Variants in FAT3 observed in about 807,000 individuals in gnomAD.
FAT3 encodes FAT atypical cadherin 3, also known as protocadherin Fat 3.
In FAT3, 95 loss-of-function variants were observed where a neutral mutation model predicts 310.2. That is an observed-to-expected ratio of 0.31 (90% CI 0.26 to 0.36). FAT3 has a LOEUF of 0.36. FAT3 is among the 10% of genes least tolerant of loss of function. FAT3 has a pLI of 1.00. For synonymous variants in FAT3, 2,314 were observed against 2,192.9 expected (o/e 1.06, Z -1.54); for missense variants, 5,408 against 5,715.6 (o/e 0.95, Z 1.74).
chr11:92,457,723 A>G (rs1169252253), intron 2 of FAT3, among the ~76,000 whole-genome samples: 1 of 149,816 alleles, frequency 6.7e-6, no homozygotes, highest in Admixed American at 6.6e-5. Context: ...GGAGTTCCAC[A>G]CCAGCCTGAC....
intron 1 of FAT3, among the ~76,000 whole-genome samples, chr11:92,245,234 C>A (rs1228922158): frequency 1.3e-5 from 2 of 152,014 alleles, no homozygotes; most frequent in East Asian, 3.9e-4. Context: ...AGCAAACTAA[C>A]ACAAGAATAG....
chr11:92,479,766 C>T (rs982290773), intron 2 of FAT3, among the ~76,000 whole-genome samples: 1 of 152,170 alleles, frequency 6.6e-6, no homozygotes, highest in African/African-American at 2.4e-5. Flanking sequence ...CAAAGCTGGC[C>T]TTTCATAGTA....
chr11:92,398,581 AT>A (rs1199858625), intron 2 of FAT3, among the ~76,000 whole-genome samples: 2 of 148,422 alleles, frequency 1.3e-5, no homozygotes, highest in Non-Finnish European at 3.0e-5. Flanking sequence ...TATTAATTTT[AT>A]TTTTAACTTG....
chr11:92,840,248 T>G (rs1948503482), intron 17 of FAT3, among the ~76,000 whole-genome samples: 1 of 152,146 alleles, frequency 6.6e-6, no homozygotes, highest in Non-Finnish European at 1.5e-5. Context: ...CAGGACAAGG[T>G]GCACCCAGCA....
At chr11:92,420,550 G>C (rs1168210868) in intron 2 of FAT3, among the ~76,000 whole-genome samples, 1 of 152,150 alleles carries the variant, frequency 6.6e-6, no homozygotes, top group African/African-American at 2.4e-5. Context: ...AGAAGACATG[G>C]CAAGAATCAG....
At chr11:92,339,634 T>C (rs1310378059) in intron 1 of FAT3, among the ~76,000 whole-genome samples, 2 of 152,060 alleles carry the variant, frequency 1.3e-5, no homozygotes, top group African/African-American at 2.4e-5. Flanking sequence ...GGAGATGACA[T>C]AAATCTGTCC....
At chr11:92,460,324 A>G (rs903708198) in intron 2 of FAT3, among the ~76,000 whole-genome samples, 6 of 152,200 alleles carry the variant, frequency 3.9e-5, no homozygotes, top group Non-Finnish European at 8.8e-5. Flanking sequence ...GAGAGGTGCC[A>G]TCTGGGAAAT....
intron 4 of FAT3, among the ~76,000 whole-genome samples, chr11:92,740,135 G>A (rs536972107): frequency 9.8e-5 from 15 of 152,286 alleles, no homozygotes; most frequent in African/African-American, 3.6e-4. Context: ...TGAGAGTAAT[G>A]TCCAAGATTG....
chr11:92,705,816 TGTGATGGTGGTG>T (rs1944318409), intron 4 of FAT3, among the ~76,000 whole-genome samples: 3 of 116,224 alleles, frequency 2.6e-5, no homozygotes, highest in East Asian at 2.7e-4. Flanking sequence ...TTGGTGGTGG[TGTGATGGTGGTG>T]GTGATGGTGG....
At chr11:92,812,097 A>C (rs1234407291) in intron 13 of FAT3, among the ~76,000 whole-genome samples, 1 of 152,210 alleles carries the variant, frequency 6.6e-6, no homozygotes, top group Non-Finnish European at 1.5e-5. Context: ...CCTGGGTATC[A>C]ATGATTGGTA....
At chr11:92,847,918 A>AACACAC (rs112590185) in intron 19 of FAT3, among the ~76,000 whole-genome samples, 55 of 148,940 alleles carry the variant, frequency 3.7e-4, no homozygotes, top group Admixed American at 2.5e-3. Flanking sequence ...CCTCCCCCCA[A>AACACAC]ACACACACAC....
chr11:92,234,304 G>A (rs1009496525), intron 1 of FAT3, among the ~76,000 whole-genome samples: 13 of 152,078 alleles, frequency 8.5e-5, no homozygotes, highest in Admixed American at 2.0e-4. Flanking sequence ...TTGGAAATAC[G>A]TTTTTGTTCA....
intron 4 of FAT3, among the ~76,000 whole-genome samples, chr11:92,760,814 G>A (rs150056366): frequency 1.1e-3 from 172 of 152,246 alleles, no homozygotes; most frequent in African/African-American, 3.8e-3. Context: ...TTTACACTAG[G>A]ATGCAAAGTC....
At chr11:92,635,506 G>T (rs985222015) in intron 3 of FAT3, among the ~76,000 whole-genome samples, 1 of 152,056 alleles carries the variant, frequency 6.6e-6, no homozygotes, top group Non-Finnish European at 1.5e-5. Flanking sequence ...GAGTTCTTAC[G>T]CATTATGTTT....
At chr11:92,643,525 G>T (rs2135734721) in intron 3 of FAT3, among the ~76,000 whole-genome samples, 1 of 152,336 alleles carries the variant, frequency 6.6e-6, no homozygotes, top group South Asian at 2.1e-4. Flanking sequence ...TTGTCCATCT[G>T]TGAAATTGGG....
chr11:92,871,895 A>G (rs1949402794), intron 22 of FAT3, among the ~76,000 whole-genome samples: 2 of 152,184 alleles, frequency 1.3e-5, no homozygotes, highest in African/African-American at 4.8e-5. Flanking sequence ...AATGCAAGTC[A>G]GTGGATTCCA....
chr11:92,254,906 G>A (rs1278605031), intron 1 of FAT3, among the ~76,000 whole-genome samples: 22 of 151,536 alleles, frequency 1.5e-4, no homozygotes, highest in East Asian at 5.8e-4. Context: ...GGTTTTCACC[G>A]TGTTAGCCAG....
At chr11:92,650,269 T>C (rs535160809) in intron 3 of FAT3, among the ~76,000 whole-genome samples, 1 of 152,298 alleles carries the variant, frequency 6.6e-6, no homozygotes, top group East Asian at 1.9e-4. Context: ...TTCTTCCTTC[T>C]GCTTTACAAG....
At chr11:92,535,537 A>G (rs1954226918) in intron 3 of FAT3, among the ~76,000 whole-genome samples, 1 of 152,246 alleles carries the variant, frequency 6.6e-6, no homozygotes, top group East Asian at 1.9e-4. Flanking sequence ...CCATGGCAGA[A>G]TGAAGGACCA....
Sources: allele counts gnomAD v4.1 joint callset (sites outside exome capture counted in the v4.1 genomes callset), GRCh38; gene constraint gnomAD v4.1.1; transcripts MANE v1.5; gene names NCBI Gene and HGNC (gene_info 2026-07-23, HGNC 2026-07-21).